The following ZSWIM6 variants were observed in gnomAD, a reference collection of about 807,000 sequenced individuals.
The protein encoded by ZSWIM6 is zinc finger SWIM domain-containing protein 6.
A neutral mutation model predicts 113.2 loss-of-function variants in ZSWIM6; 9 were observed. The observed-to-expected ratio is 0.08, with a 90% CI of 0.05 to 0.14. ZSWIM6 has a LOEUF of 0.14. Among genes scored for constraint, ZSWIM6 ranks in the 10% least tolerant of loss-of-function variants. The pLI is 1.00. For synonymous variants in ZSWIM6, 611 were observed against 606.5 expected (o/e 1.01, Z -0.11); for missense variants, 1,162 against 1,552.2 (o/e 0.75, Z 4.22).
intron 4 of ZSWIM6, among the ~76,000 whole-genome samples, chr5:61,503,986 A>G (rs1050970893): frequency 2.6e-5 from 4 of 152,124 alleles, no homozygotes; most frequent in African/African-American, 9.7e-5. Flanking sequence ...AGTAATTTTT[A>G]TTTTTCCTAT....
intron 4 of ZSWIM6, among the ~76,000 whole-genome samples, chr5:61,511,129 T>C (rs1482283007): frequency 6.6e-6 from 1 of 152,168 alleles, no homozygotes; most frequent in African/African-American, 2.4e-5. Flanking sequence ...TAAAAGACCA[T>C]ATCTATTATA....
chr5:61,342,391 A>G (rs1194683247), intron 1 of ZSWIM6, among the ~76,000 whole-genome samples: 1 of 152,022 alleles, frequency 6.6e-6, no homozygotes, highest in Admixed American at 6.6e-5. Context: ...CACTTCCCTC[A>G]TTTCCTTTTG....
chr5:61,341,025 G>T (rs938540342), intron 1 of ZSWIM6, among the ~76,000 whole-genome samples: 2 of 152,254 alleles, frequency 1.3e-5, no homozygotes, highest in African/African-American at 4.8e-5. Flanking sequence ...ATAACATTGT[G>T]TCACTATGTC....
At chr5:61,452,667 C>T (rs1460829028) in intron 1 of ZSWIM6, among the ~76,000 whole-genome samples, 1 of 152,096 alleles carries the variant, frequency 6.6e-6, no homozygotes, top group Admixed American at 6.6e-5. Flanking sequence ...AACCAACCTC[C>T]CCTAATGTTA....
At chr5:61,361,897 G>A (rs912128859) in intron 1 of ZSWIM6, among the ~76,000 whole-genome samples, 1 of 152,148 alleles carries the variant, frequency 6.6e-6, no homozygotes, top group Non-Finnish European at 1.5e-5. Flanking sequence ...ATTCACTGTG[G>A]TGCAGTTTGG....
chr5:61,332,859 C>A lies in ZSWIM6; in HGVS notation c.587C>A (p.Ala196Glu). Residue 196 changes from alanine to glutamate, a missense_variant, in exon 1 of 14, where the codon GCG becomes GAG. Ala to Glu is a moderately radical substitution (Grantham distance 107). This residue lies in a region of ZSWIM6 where 333 missense variants were observed against 293.4 expected (regional missense o/e 1.13). Transcript: ENST00000252744. ...GCCCCGTCGGTGGGGGCTGCCGGGG[C>A]GGCGGACGGCGGCGACGAGACGCGG... is the stretch of plus-strand genomic sequence containing the variant. ...AGAPSVGAAG[A>E]ADGGDETRLP... is the part of the protein sequence containing the mutation. The A allele has an allele frequency of 8.4e-7, 1 of 1,195,482 alleles. No individual in the cohort carries two copies. The highest frequency in any genetic ancestry group is 2.2e-5 in the South Asian group (1 of 45,540). The allele number at this position is 1,195,482 out of a possible 1,614,324, so 74.1% of individuals were successfully genotyped here. A position where few individuals can be genotyped will look rare whatever the true frequency, so the allele number is the denominator to read the frequency against.
At chr5:61,377,702 C>G (rs979243318) in intron 1 of ZSWIM6, among the ~76,000 whole-genome samples, 1 of 148,414 alleles carries the variant, frequency 6.7e-6, no homozygotes, top group African/African-American at 2.5e-5. Context: ...GGCGACAGAG[C>G]GAGACTTCGT....
chr5:61,414,297 G>T (rs1348965279), intron 1 of ZSWIM6, among the ~76,000 whole-genome samples: 5 of 151,616 alleles, frequency 3.3e-5, no homozygotes, highest in African/African-American at 1.2e-4. Flanking sequence ...ATGGGATGGG[G>T]AAAAAAAAGA....
At chr5:61,461,400 A>G (rs564245946) in intron 1 of ZSWIM6, among the ~76,000 whole-genome samples, 25 of 152,366 alleles carry the variant, frequency 1.6e-4, no homozygotes, top group African/African-American at 5.5e-4. Flanking sequence ...CAAGAAATAG[A>G]TATTAAATAA....
In ZSWIM6 at chr5:61,540,916, G is replaced by GTTT. The variant is rs34749703; in HGVS notation, c.2704-949_2704-947dup. 2.0e-3 allele frequency among the ~76,000 whole-genome samples: 185 copies of GTTT among 94,432 alleles called. 2 individuals carry two copies. The highest frequency in any genetic ancestry group is 0.017 in the South Asian group (45 of 2,712). The allele number at this position is 94,432 out of a possible 152,430, so 62.0% of individuals were successfully genotyped here. A position where few individuals can be genotyped will look rare whatever the true frequency, so the allele number is the denominator to read the frequency against. Reference sequence around the variant, plus strand: ...TATGATGTCCCTGGATATTTTGTGGGTTTTTTTTTTTTTTTTTTTTTGTTG... The same window carrying GTTT: ...TATGATGTCCCTGGATATTTTGTGGGTTTTTTTTTTTTTTTTTTTTTTTTGTTG... On this transcript the variant is annotated intron_variant, in intron 12 of 13. Coordinates refer to ENST00000252744, the MANE Select transcript of ZSWIM6 (RefSeq NM_020928.2).
intron 1 of ZSWIM6, among the ~76,000 whole-genome samples, chr5:61,376,729 G>A (rs1745379838): frequency 7.0e-6 from 1 of 142,268 alleles, no homozygotes; most frequent in South Asian, 2.4e-4. Context: ...TAAAATGCAT[G>A]TTTTATACTA....
In ZSWIM6 at chr5:61,464,158, A is replaced by ATTTTTTTTTTTTTT. The variant is rs869288331; in HGVS notation, c.677-8503_677-8490dup. ...AGGTGCATGCCAACACACCCGGCTA[A>ATTTTTTTTTTTTTT]TTTTTTTTTTTTTTTTTTTTTTTTT... On this transcript the variant is annotated intron_variant, in intron 1 of 13. Transcript: ENST00000252744. 1.0e-3 allele frequency among the ~76,000 whole-genome samples: 45 copies of ATTTTTTTTTTTTTT among 43,536 alleles called. 3 individuals are homozygous for ATTTTTTTTTTTTTT. The highest frequency in any genetic ancestry group is 0.062 in the Middle Eastern group (2 of 32). The allele number at this position is 43,536 out of a possible 152,430, so 28.6% of individuals were successfully genotyped here.
At chr5:61,542,424 C>G (rs1212848260) in intron 13 of ZSWIM6, among the ~76,000 whole-genome samples, 1 of 152,176 alleles carries the variant, frequency 6.6e-6, no homozygotes, top group East Asian at 1.9e-4. Flanking sequence ...TTGTGAGGCC[C>G]TTCAGCTAAC....
At chr5:61,455,791 C>G (rs571537177) in intron 1 of ZSWIM6, among the ~76,000 whole-genome samples, 1 of 150,750 alleles carries the variant, frequency 6.6e-6, no homozygotes, top group Non-Finnish European at 1.5e-5. Flanking sequence ...TTCCCCGCCC[C>G]GGCCTTCTCC....
intron 2 of ZSWIM6, among the ~76,000 whole-genome samples, chr5:61,487,998 T>C (rs1748067148): frequency 1.3e-5 from 2 of 152,112 alleles, no homozygotes; most frequent in Admixed American, 1.3e-4. Flanking sequence ...CAGTATGACG[T>C]TGGCTGTGGG....
intron 1 of ZSWIM6, among the ~76,000 whole-genome samples, chr5:61,465,602 G>A (rs1270257974): frequency 1.3e-5 from 2 of 152,074 alleles, no homozygotes; most frequent in African/African-American, 4.8e-5. Context: ...TAAGAAAATG[G>A]TGTAAGAATC....
chr5:61,445,540 T>A (rs1746932902), intron 1 of ZSWIM6, among the ~76,000 whole-genome samples: 1 of 152,240 alleles, frequency 6.6e-6, no homozygotes, highest in African/African-American at 2.4e-5. Flanking sequence ...AGTCTCACAT[T>A]TTTATTGCTA....
At chr5:61,355,169 A>G (rs1301158004) in intron 1 of ZSWIM6, among the ~76,000 whole-genome samples, 3 of 152,060 alleles carry the variant, frequency 2.0e-5, no homozygotes, top group African/African-American at 7.2e-5. Context: ...TCCCTTGTCA[A>G]AGGACCAGAT....
chr5:61,476,580 T>C (rs531190126), intron 2 of ZSWIM6, among the ~76,000 whole-genome samples: 4 of 152,224 alleles, frequency 2.6e-5, no homozygotes, highest in Non-Finnish European at 5.9e-5. Flanking sequence ...TTGCCAGTTG[T>C]AGTTCTGTAT....
Sources: gnomAD v4.1 joint callset for allele counts (sites outside exome capture counted in the v4.1 genomes callset) on GRCh38, gnomAD v4.1.1 for gene constraint, gnomAD v4.1.1 regional missense constraint, MANE v1.5 for transcripts, NCBI Gene and HGNC (gene_info 2026-07-23, HGNC 2026-07-21) for gene names.